DHX36: variants seen among roughly 807,000 people sequenced by gnomAD.
The protein encoded by DHX36 is DEAH-box helicase 36.
DHX36 carries 50 observed loss-of-function variants against 139.0 expected under a neutral mutation model. That is an observed-to-expected ratio of 0.36 (90% CI 0.29 to 0.46). The LOEUF (loss-of-function observed/expected upper bound fraction) is 0.46, where lower values mean the gene tolerates loss of function less well. DHX36 is among the 20% of genes least tolerant of loss of function. The probability of loss-of-function intolerance (pLI) is 1.00; values close to 1 mark genes in which losing one functional copy is unlikely to be tolerated. For synonymous variants in DHX36, 425 were observed against 401.9 expected, an observed-to-expected ratio of 1.06 and a Z score of -0.69; for missense variants, 1,024 against 1,211.3, an observed-to-expected ratio of 0.85 and a Z score of 2.29.
At chr3:154,280,919 A>C in intron 20 of DHX36, 57 bp from the exon 21 acceptor site, 3 of 1,250,784 alleles carry the variant, frequency 2.4e-6, no homozygotes, top group Non-Finnish European at 3.5e-6. Flanking sequence ...TGAGGCTATA[A>C]ACCATACACT....
At chr3:154,298,771 C>T (rs1158530940) in intron 12 of DHX36, among the ~76,000 whole-genome samples, 6 of 151,626 alleles carry the variant, frequency 4.0e-5, no homozygotes, top group African/African-American at 7.3e-5. Flanking sequence ...AAAAATTAGG[C>T]GGGCGTGGTG....
At chr3:154,304,704 G>A in intron 8 of DHX36, 102 bp downstream of exon 8, 1 of 860,018 alleles carries the variant, frequency 1.2e-6, no homozygotes, top group Non-Finnish European at 1.7e-6. Context: ...AAAATTAACA[G>A]CTAAACATTC....
intron 13 of DHX36, 83 bp from the exon 14 acceptor site, chr3:154,293,895 T>G: frequency 2.1e-6 from 2 of 967,280 alleles, no homozygotes; most frequent in Non-Finnish European, 3.3e-6. Flanking sequence ...TTACCTCAGA[T>G]ACTGTTCATT....
rs755806882 is a variant in DHX36 at position 154,311,650 on chromosome 3, A to T, written c.628T>A (p.Tyr210Asn). ...MQHFREKLPS[Y>N]GMQKELVNLI... is the part of the protein sequence containing the mutation. ...AAGCACTTTACCTTTTGCATTCCAT[A>T]CGAAGGCAGCTTTTCTCTGAAATGC... The change falls in exon 4 of 25, where the codon TAT becomes AAT. Residue 210 changes from tyrosine to asparagine, a missense_variant. By Grantham distance (143) the Tyr-to-Asn change is moderately radical. Coordinates refer to ENST00000496811, the MANE Select transcript of DHX36 (RefSeq NM_020865.3). 1 of 1,599,164 alleles carries T rather than the reference A, an allele frequency of 6.3e-7. No individual in the cohort carries two copies. Among genetic ancestry groups the T allele is most frequent in the Non-Finnish European group, 8.5e-7 (1 of 1,175,792 alleles).
intron 15 of DHX36, among the ~76,000 whole-genome samples, chr3:154,291,872 C>G (rs1163173960): frequency 6.6e-6 from 1 of 152,154 alleles, no homozygotes; most frequent in Non-Finnish European, 1.5e-5. Flanking sequence ...AAGTCCAATT[C>G]TTTGTAGAAG....
intron 17 of DHX36, among the ~76,000 whole-genome samples, chr3:154,286,183 A>AAAC (rs1559946848): frequency 3.4e-5 from 5 of 147,744 alleles, no homozygotes; most frequent in Non-Finnish European, 7.5e-5. Context: ...AAAAAAAAAA[A>AAAC]AAAAAAAAAC....
At position 154,273,179 on chromosome 3, in the gene DHX36, A is replaced by T. The variant is rs1719046310; in HGVS notation, c.*2992T>A. The T allele has an allele frequency of 6.6e-6, 1 of 152,128 alleles. No homozygotes were observed. 9.4% of individuals were successfully genotyped at this position (152,128 alleles called of 1,614,324 possible). On this transcript the variant is annotated 3_prime_UTR_variant, in exon 25 of 25. Transcript: ENST00000496811. ...TTCTTTAAAATCCACTAAAGAACAAACAGTTCTTAGACCTGGAATGTATTT... is the reference window on the plus strand; with the variant it reads ...TTCTTTAAAATCCACTAAAGAACAATCAGTTCTTAGACCTGGAATGTATTT...
intron 1 of DHX36, among the ~76,000 whole-genome samples, chr3:154,319,941 C>T (rs187997687): frequency 1.3e-5 from 2 of 152,304 alleles, no homozygotes; most frequent in Admixed American, 1.3e-4. Flanking sequence ...CTCATCTTCA[C>T]AGCAAAACTA....
In DHX36 at chr3:154,275,027, T is replaced by G. The variant is rs1258232989; in HGVS notation, c.*1144A>C. On this transcript the variant is annotated 3_prime_UTR_variant, in exon 25 of 25. Transcript: ENST00000496811. ...AAATATTTCAGGGACAAATAACAACTAAGATTCAGAGAGTACAGGCACTAG... is the reference window on the plus strand; with the variant it reads ...AAATATTTCAGGGACAAATAACAACGAAGATTCAGAGAGTACAGGCACTAG... 2.0e-5 allele frequency: 3 copies of G among 152,342 alleles called. No individual in the cohort carries two copies. In the South Asian group the frequency reaches 6.2e-4, roughly 32 times the overall value. 9.4% of individuals were successfully genotyped at this position (152,342 alleles called of 1,614,324 possible).
intron 23 of DHX36, 99 bp downstream of exon 23, chr3:154,277,499 C>T (rs1719186968): frequency 8.6e-7 from 1 of 1,162,976 alleles, no homozygotes; most frequent in Admixed American, 3.3e-5. Flanking sequence ...TAAGACACAA[C>T]AAAAAAAAAA....
intron 5 of DHX36, among the ~76,000 whole-genome samples, chr3:154,308,302 T>C (rs1712588840): frequency 6.6e-6 from 1 of 152,208 alleles, no homozygotes; most frequent in Admixed American, 6.5e-5. Flanking sequence ...TATACTGTAT[T>C]TACTGCCAAG....
chr3:154,316,669 T>C (rs1173196318), intron 1 of DHX36, among the ~76,000 whole-genome samples: 1 of 151,958 alleles, frequency 6.6e-6, no homozygotes, highest in African/African-American at 2.4e-5. Context: ...GCTTATAAGG[T>C]GATCCAATGT....
rs562396262 is a variant in DHX36 at position 154,298,997 on chromosome 3, C to T, written c.1549+841G>A. 1.5e-4 allele frequency among the ~76,000 whole-genome samples: 23 copies of T among 152,196 alleles called. 1 individual carries two copies. The highest frequency in any genetic ancestry group is 4.1e-4 in the African/African-American group (17 of 41,544). ...TTAGAAATTATATTCAGAGGCCACA[C>T]GTGGTGGCTCAAGCCTGTAATCCCA... On this transcript the variant is annotated intron_variant, in intron 12 of 24. Coordinates refer to ENST00000496811, the MANE Select transcript of DHX36 (RefSeq NM_020865.3).
chr3:154,290,461 C>T (rs1274054837), intron 15 of DHX36, among the ~76,000 whole-genome samples: 1 of 151,448 alleles, frequency 6.6e-6, no homozygotes, highest in African/African-American at 2.4e-5. Context: ...CATGGTGAAA[C>T]CCCATCTGTA....
intron 2 of DHX36, 115 bp downstream of exon 2, chr3:154,315,924 A>C: frequency 7.9e-7 from 1 of 1,265,910 alleles, no homozygotes; most frequent in Non-Finnish European, 1.1e-6. Flanking sequence ...AATCTACATA[A>C]GGAAAAAAAG....
Position 154,295,142 on chromosome 3 carries a change from A to C in DHX36, c.1605+142T>G, listed in dbSNP as rs1711990315. On this transcript the variant is annotated intron_variant, in intron 13 of 24. Coordinates refer to ENST00000496811, the MANE Select transcript of DHX36 (RefSeq NM_020865.3). Reference sequence around the variant, plus strand: ...TCATCCCCTGAAGACTCATTTGCAAAGGTTCTCAAAGAAGTATTTTTTTAC... The same window carrying C: ...TCATCCCCTGAAGACTCATTTGCAACGGTTCTCAAAGAAGTATTTTTTTAC... The C allele has an allele frequency of 6.0e-6, 3 of 501,242 alleles. No homozygotes were observed. The South Asian group carries it at 7.8e-5, about 13-fold the overall frequency. The allele number at this position is 501,242 out of a possible 1,614,324, so 31.0% of individuals were successfully genotyped here.
chr3:154,311,841 A>C, intron 3 of DHX36, 167 bp from the exon 4 acceptor site: 1 of 502,768 alleles, frequency 2.0e-6, no homozygotes, highest in Non-Finnish European at 3.4e-6. Flanking sequence ...AATTCCTTTT[A>C]TGTCTGAAAC....
At chr3:154,277,847 TC>T in intron 22 of DHX36, 129 bp from the exon 23 acceptor site, 1 of 863,812 alleles carries the variant, frequency 1.2e-6, no homozygotes, top group Non-Finnish European at 1.6e-6. Flanking sequence ...CTAAAAAAAT[TC>T]CAGAGAATAA....
chr3:154,291,518 G>A (rs1218860899), intron 15 of DHX36, among the ~76,000 whole-genome samples: 1 of 152,134 alleles, frequency 6.6e-6, no homozygotes, highest in Non-Finnish European at 1.5e-5. Context: ...CCTGATAACT[G>A]ATTATTAGGA....
Sources: allele counts gnomAD v4.1 joint callset (sites outside exome capture counted in the v4.1 genomes callset), GRCh38; gene constraint gnomAD v4.1.1; transcripts MANE v1.5; gene names NCBI Gene and HGNC (gene_info 2026-07-23, HGNC 2026-07-21).